PNPLA1: variants seen among roughly 807,000 people sequenced by gnomAD.
PNPLA1 encodes patatin like domain 1, omega-hydroxyceramide transacylase, also known as omega-hydroxyceramide transacylase.
A neutral mutation model predicts 51.7 loss-of-function variants in PNPLA1; 36 were observed. The ratio of observed to expected loss-of-function variants is 0.70; its 90% CI spans 0.53 to 0.92. The LOEUF (loss-of-function observed/expected upper bound fraction) is 0.92, where lower values mean the gene tolerates loss of function less well. PNPLA1 is among the 40% of genes least tolerant of loss of function. The pLI, the probability that PNPLA1 is intolerant of heterozygous loss-of-function variation, is 0.00. For missense variants in PNPLA1, 658 were observed against 682.5 expected, an observed-to-expected ratio of 0.96 and a Z score of 0.40; for synonymous variants, 293 against 280.1, an observed-to-expected ratio of 1.05 and a Z score of -0.46.
At chr6:36,272,678 G>A (rs1011072549) in intron 1 of PNPLA1, among the ~76,000 whole-genome samples, 3 of 152,164 alleles carry the variant, frequency 2.0e-5, no homozygotes, top group Non-Finnish European at 2.9e-5. Flanking sequence ...GATTCAGGAC[G>A]TGCTTTGAAA....
chr6:36,303,043 T>C (rs1771116711), intron 6 of PNPLA1, among the ~76,000 whole-genome samples: 1 of 152,234 alleles, frequency 6.6e-6, no homozygotes, highest in South Asian at 2.1e-4. Flanking sequence ...GACCATTTTT[T>C]ACTAATTCAT....
At chr6:36,291,098 C>T (rs1770661552) in intron 1 of PNPLA1, among the ~76,000 whole-genome samples, 1 of 152,216 alleles carries the variant, frequency 6.6e-6, no homozygotes, top group African/African-American at 2.4e-5. Context: ...TCCATCATTG[C>T]CTAGCTCTGG....
chr6:36,298,385 T>C (rs1257275799), intron 5 of PNPLA1, among the ~76,000 whole-genome samples: 2 of 152,180 alleles, frequency 1.3e-5, no homozygotes, highest in Non-Finnish European at 2.9e-5. Context: ...GATTGCATGG[T>C]ACATTCATGT....
At chr6:36,267,250 G>A (rs565200788), upstream of PNPLA1, among the ~76,000 whole-genome samples, 2 of 152,330 alleles carry the variant, frequency 1.3e-5, no homozygotes, top group African/African-American at 2.4e-5. Context: ...CGTGAGTAGA[G>A]GGTCAGGAAC....
At chr6:36,249,497 G>A (rs1582022447) in intron 1 of PNPLA1, among the ~76,000 whole-genome samples, 1 of 152,332 alleles carries the variant, frequency 6.6e-6, no homozygotes, top group East Asian at 1.9e-4. Flanking sequence ...TCTAAACAGA[G>A]GATGCCCAGT....
At chr6:36,266,071 C>T (rs1769752909), upstream of PNPLA1, among the ~76,000 whole-genome samples, 1 of 152,294 alleles carries the variant, frequency 6.6e-6, no homozygotes, top group South Asian at 2.1e-4. Context: ...GAGAGGCCCA[C>T]TTGATGAGGC....
chr6:36,307,452 G>A (rs1352729056), intron 7 of PNPLA1, 135 bp from the exon 8 acceptor site: 11 of 953,678 alleles, frequency 1.2e-5, no homozygotes, highest in Non-Finnish European at 1.6e-5. Context: ...AAAAAAGTTT[G>A]CTGGGAAATC....
Position 36,294,316 on chromosome 6 carries a change from T to TTCCGAC in PNPLA1, c.635_636insACTCCG (p.Arg212_Met213insLeuArg). 6.2e-7 allele frequency: 1 copy of TTCCGAC among 1,614,214 alleles called. No homozygotes were observed. Among genetic ancestry groups the TTCCGAC allele is most frequent in the Non-Finnish European group, 8.5e-7 (1 of 1,180,038 alleles). ...GGACTGCCCGGCCATCTTCCACGAC[T>TTCCGAC]TCCGCATGTTCAACTGCTCCTTCCA... On this transcript the variant is annotated inframe_insertion, in exon 4 of 9. Coordinates refer to ENST00000636260, the MANE Select transcript of PNPLA1 (RefSeq NM_001374623.1). The surrounding 1 kb of genome is among the most constrained non-coding windows in gnomAD (Gnocchi z 4.2).
rs4713949 is a variant in PNPLA1 at position 36,294,108 on chromosome 6, A to G, written c.505-82A>G. 0.96 allele frequency: 1,445,464 copies of G among 1,498,634 alleles called. 697,322 individuals carry two copies. Among genetic ancestry groups the G allele is most frequent in the East Asian group, 1 (42,302 of 42,338 alleles). The allele number at this position is 1,498,634 out of a possible 1,614,324, so 92.8% of individuals were successfully genotyped here. A position where few individuals can be genotyped will look rare whatever the true frequency, so the allele number is the denominator to read the frequency against. On this transcript the variant is annotated intron_variant, in intron 3 of 8. Transcript: ENST00000636260. This position sits in a 1 kb window ranked among gnomAD's most constrained non-coding sequence, Gnocchi z 4.2. ...GATGGGCCCTTGAAGCTGGTGCCAT[A>G]TCCCATGGGCCATTTCGATGTACCC... is the stretch of plus-strand genomic sequence containing the variant.
intron 1 of PNPLA1, among the ~76,000 whole-genome samples, chr6:36,280,275 T>C (rs1002852657): frequency 3.3e-5 from 5 of 152,196 alleles, no homozygotes; most frequent in African/African-American, 9.6e-5. Flanking sequence ...ATGGTAATTG[T>C]GAGCTCATCT....
At chr6:36,288,942 T>C (rs1770591716) in intron 1 of PNPLA1, among the ~76,000 whole-genome samples, 1 of 152,036 alleles carries the variant, frequency 6.6e-6, no homozygotes, top group Non-Finnish European at 1.5e-5. Context: ...ACAAATTAGG[T>C]TATAAATGGA....
At chr6:36,288,138 T>G (rs1770560505) in intron 1 of PNPLA1, among the ~76,000 whole-genome samples, 1 of 152,144 alleles carries the variant, frequency 6.6e-6, no homozygotes, top group African/African-American at 2.4e-5. Flanking sequence ...TGACCTAGCA[T>G]CCTCACTTCT....
chr6:36,263,121 C>T (rs957225654), intron 1 of PNPLA1, among the ~76,000 whole-genome samples: 1 of 151,978 alleles, frequency 6.6e-6, no homozygotes, highest in African/African-American at 2.4e-5. Context: ...CATCCTGATG[C>T]CTTTAAAACA....
Position 36,312,684 on chromosome 6 carries a change from G to A in PNPLA1, c.*798G>A, listed in dbSNP as rs1323423754. On this transcript the variant is annotated 3_prime_UTR_variant, in exon 9 of 9. Coordinates refer to ENST00000636260, the MANE Select transcript of PNPLA1 (RefSeq NM_001374623.1). ...CTCTGGGCCCTTTTGAGGACCAGGG[G>A]CAACACCTATTCCCAGCCCCGATGG... Among the ~76,000 whole-genome samples the A allele has an allele frequency of 1.3e-5, 2 of 152,286 alleles. No individual in the cohort carries two copies. The highest frequency in any genetic ancestry group is 2.1e-4 in the South Asian group (1 of 4,830).
Position 36,313,281 on chromosome 6 carries a change from C to G in PNPLA1, c.*1395C>G, listed in dbSNP as rs1369157155. Among the ~76,000 whole-genome samples the G allele has an allele frequency of 6.6e-6, 1 of 152,156 alleles. No individual in the cohort carries two copies. Among genetic ancestry groups the G allele is most frequent in the Non-Finnish European group, 1.5e-5 (1 of 68,032 alleles). On this transcript the variant is annotated 3_prime_UTR_variant, in exon 9 of 9. Transcript: ENST00000636260. ...GAGGACAACTTCAGCCTCAATTTTT[C>G]CAGCCTGTCCAGAAAATAATTGCCC...
chr6:36,279,654 A>T (rs965746353), intron 1 of PNPLA1, among the ~76,000 whole-genome samples: 26 of 152,324 alleles, frequency 1.7e-4, no homozygotes, highest in Non-Finnish European at 3.2e-4. Context: ...CCAGGGACCC[A>T]TCTCGCCCTT....
rs534981295 is a variant in PNPLA1, at chr6:36,304,082, G to A, written c.1384+1613G>A. 2.0e-5 allele frequency among the ~76,000 whole-genome samples: 3 copies of A among 152,178 alleles called. No homozygotes were observed. The East Asian group carries it at 5.8e-4, about 29-fold the overall frequency. On this transcript the variant is annotated intron_variant, in intron 6 of 8. Transcript: ENST00000636260. Reference sequence around the variant, plus strand: ...CAGGTGCAGTGCAGGAATGTGCAGGGTACTTTCAAGGTACTTTAGGAAGGA... The same window carrying A: ...CAGGTGCAGTGCAGGAATGTGCAGGATACTTTCAAGGTACTTTAGGAAGGA...
At chr6:36,256,930 G>A (rs906098177) in intron 1 of PNPLA1, among the ~76,000 whole-genome samples, 18 of 152,310 alleles carry the variant, frequency 1.2e-4, no homozygotes, top group Non-Finnish European at 2.1e-4. Context: ...GAGAGGAAGT[G>A]GGGGGATATA....
intron 1 of PNPLA1, among the ~76,000 whole-genome samples, chr6:36,262,224 C>G (rs1769665654): frequency 6.6e-6 from 1 of 152,044 alleles, no homozygotes; most frequent in South Asian, 2.1e-4. Context: ...ATCCACTTTC[C>G]CCTGTCCCCC....
Sources: allele counts gnomAD v4.1 joint callset (sites outside exome capture counted in the v4.1 genomes callset), GRCh38; gene constraint gnomAD v4.1.1; non-coding constraint Gnocchi (gnomAD v3.1); transcripts MANE v1.5; gene names NCBI Gene and HGNC (gene_info 2026-07-23, HGNC 2026-07-21).